Variants in HMBOX1 observed in about 807,000 individuals in gnomAD.
HMBOX1 encodes homeobox containing 1.
A neutral mutation model predicts 54.5 loss-of-function variants in HMBOX1; 14 were observed. The observed-to-expected ratio is 0.26, with a 90% CI of 0.17 to 0.40. The LOEUF is 0.40. Among genes scored for constraint, HMBOX1 ranks in the 10% least tolerant of loss-of-function variants. The pLI is 1.00. For synonymous variants in HMBOX1, 160 were observed against 181.0 expected (o/e 0.88, Z 0.93); for missense variants, 332 against 514.4 (o/e 0.65, Z 3.43).
intron 1 of HMBOX1, among the ~76,000 whole-genome samples, chr8:28,922,637 CAGTT>C (rs967427014): frequency 2.4e-4 from 37 of 152,258 alleles, no homozygotes; most frequent in African/African-American, 7.5e-4. Context: ...TAATTTCAGA[CAGTT>C]CTCAGACCTC....
rs956204010 is a variant in HMBOX1, at chr8:28,982,047, C to G, written c.586+1891C>G. 5.0e-4 allele frequency among the ~76,000 whole-genome samples: 76 copies of G among 152,170 alleles called. 2 individuals are homozygous for G. The highest frequency in any genetic ancestry group is 1.8e-3 in the African/African-American group (73 of 41,520). Reference sequence around the variant, plus strand: ...GGTCAGGAGATCAAGACCATCCTGGCTAACACGGTGAAACTCTGTCTCTAC... The same window carrying G: ...GGTCAGGAGATCAAGACCATCCTGGGTAACACGGTGAAACTCTGTCTCTAC... On this transcript the variant is annotated intron_variant, in intron 4 of 9. Coordinates refer to ENST00000287701, the MANE Select transcript of HMBOX1 (RefSeq NM_001135726.3).
At chr8:28,977,440 ATTTGT>A (rs1563509850) in intron 3 of HMBOX1, among the ~76,000 whole-genome samples, 1 of 152,172 alleles carries the variant, frequency 6.6e-6, no homozygotes, top group Non-Finnish European at 1.5e-5. Context: ...AAACCAAATG[ATTTGT>A]TTTATTTATA....
chr8:28,931,988 T>G (rs920795188), intron 1 of HMBOX1, among the ~76,000 whole-genome samples: 5 of 152,206 alleles, frequency 3.3e-5, no homozygotes, highest in African/African-American at 7.2e-5. Context: ...TAATAAATAA[T>G]TTTAGATAGT....
chr8:28,984,413 C>G (rs181093651), intron 4 of HMBOX1, among the ~76,000 whole-genome samples: 1 of 152,198 alleles, frequency 6.6e-6, no homozygotes, highest in Non-Finnish European at 1.5e-5. Flanking sequence ...TGTGCTTGTT[C>G]CAGAAACAAA....
Position 28,926,304 on chromosome 8 carries a change from T to TATATACACACACACAC in HMBOX1, c.-58+35627_-58+35628insTATACACACACACACA, listed in dbSNP as rs796953426. On this transcript the variant is annotated intron_variant, in intron 1 of 9. Transcript: ENST00000287701. ...GCAGATATATATATATATATATATA[T>TATATACACACACACAC]ACACACACACACACACACATATATT... 8.2e-4 allele frequency among the ~76,000 whole-genome samples: 116 copies of TATATACACACACACAC among 142,206 alleles called. 1 individual carries two copies. Among genetic ancestry groups the TATATACACACACACAC allele is most frequent in the African/African-American group, 3.0e-3 (114 of 37,834 alleles). The allele number at this position is 142,206 out of a possible 152,430, so 93.3% of individuals were successfully genotyped here.
chr8:28,970,021 C>G lies in HMBOX1; in HGVS notation c.24-22C>G. 6.9e-7 allele frequency: 1 copy of G among 1,447,842 alleles called. No individual in the cohort carries two copies. 89.7% of individuals were successfully genotyped at this position (1,447,842 alleles called of 1,614,324 possible). A position where few individuals can be genotyped will look rare whatever the true frequency, so the allele number is the denominator to read the frequency against. ...GTAGATACTGTCAATAAAGAGACTT[C>G]TTTTTATCTCTTTTTTTTTAGTTTG... On this transcript the variant is annotated intron_variant, in intron 2 of 9. Coordinates refer to ENST00000287701, the MANE Select transcript of HMBOX1 (RefSeq NM_001135726.3). The surrounding 1 kb of genome is among the most constrained non-coding windows in gnomAD (Gnocchi z 4.3).
chr8:28,967,147 C>T (rs1030091527), intron 2 of HMBOX1, among the ~76,000 whole-genome samples: 1 of 152,290 alleles, frequency 6.6e-6, no homozygotes, highest in South Asian at 2.1e-4. Flanking sequence ...TCTTTCCCCT[C>T]GTCTGACTAG....
rs779044917 is a variant in HMBOX1, at chr8:29,018,945, C to T, written c.851+32C>T. 5.0e-6 allele frequency: 8 copies of T among 1,608,532 alleles called. No homozygotes were observed. The South Asian group carries it at 8.8e-5, about 18-fold the overall frequency. ...GTCTCCTTTTTCTACGAATGATCTCCCAAACTTAGGGAAGACATCAACTCT... is the reference window on the plus strand; with the variant it reads ...GTCTCCTTTTTCTACGAATGATCTCTCAAACTTAGGGAAGACATCAACTCT... On this transcript the variant is annotated intron_variant, in intron 6 of 9. Transcript: ENST00000287701.
At chr8:28,933,287 C>T (rs528277824) in intron 1 of HMBOX1, among the ~76,000 whole-genome samples, 1 of 152,272 alleles carries the variant, frequency 6.6e-6, no homozygotes, top group East Asian at 1.9e-4. Context: ...TACATCAGGT[C>T]CCTATGTGAA....
intron 6 of HMBOX1, among the ~76,000 whole-genome samples, chr8:29,041,234 C>T (rs1024779500): frequency 6.6e-6 from 1 of 152,090 alleles, no homozygotes; most frequent in Non-Finnish European, 1.5e-5. Flanking sequence ...TTAATTGCCA[C>T]CAGTATTTTC....
chr8:28,944,616 C>T (rs1039976739), intron 1 of HMBOX1, among the ~76,000 whole-genome samples: 2 of 152,168 alleles, frequency 1.3e-5, no homozygotes, highest in African/African-American at 2.4e-5. Flanking sequence ...GTCTCCAGTA[C>T]TACATCCTTA....
intron 7 of HMBOX1, 64 bp from the exon 8 acceptor site, chr8:29,047,294 T>C: frequency 1.0e-6 from 1 of 961,642 alleles, no homozygotes; most frequent in Non-Finnish European, 1.7e-6. Flanking sequence ...TATTAGCCCT[T>C]AAAACTAGTT....
chr8:29,025,002 G>A (rs573904694), intron 6 of HMBOX1, among the ~76,000 whole-genome samples: 22 of 151,912 alleles, frequency 1.4e-4, no homozygotes, highest in African/African-American at 4.8e-4. Flanking sequence ...TGTCTTCCAC[G>A]AAACTGGCCT....
Position 28,971,794 on chromosome 8 carries a change from A to G in HMBOX1, c.500+1275A>G, listed in dbSNP as rs190176661. ...TGAGGAGTTTTGTAAAAACTCCTCT[A>G]GGAATAGAGATGATAAAGGTATTGT... On this transcript the variant is annotated intron_variant, in intron 3 of 9. Transcript: ENST00000287701. 3.9e-5 allele frequency among the ~76,000 whole-genome samples: 6 copies of G among 152,300 alleles called. No homozygotes were observed. In the East Asian group the frequency reaches 5.8e-4, roughly 15 times the overall value.
chr8:28,977,819 C>T (rs1438315115), intron 3 of HMBOX1, among the ~76,000 whole-genome samples: 1 of 151,744 alleles, frequency 6.6e-6, no homozygotes, highest in Non-Finnish European at 1.5e-5. Flanking sequence ...TGGCGGGCGC[C>T]TGTAGTCCCA....
chr8:28,897,018 C>G (rs1238186843), intron 1 of HMBOX1, among the ~76,000 whole-genome samples: 1 of 139,854 alleles, frequency 7.2e-6, no homozygotes, highest in African/African-American at 2.7e-5. Context: ...GAGTTTCGCT[C>G]TTGTTACCCA....
intron 3 of HMBOX1, 76 bp from the exon 4 acceptor site, chr8:28,979,995 T>C: frequency 9.1e-7 from 1 of 1,100,342 alleles, no homozygotes; most frequent in South Asian, 1.2e-5. Context: ...ACCTCTCTGC[T>C]TCACCTTTCT....
intron 5 of HMBOX1, chr8:29,009,604 C>T: frequency 8.7e-7 from 1 of 1,145,706 alleles, no homozygotes; most frequent in South Asian, 1.5e-5. Flanking sequence ...CATGCTGTAC[C>T]ATATCCAGTG....
At chr8:28,924,206 A>G (rs1282845393) in intron 1 of HMBOX1, among the ~76,000 whole-genome samples, 1 of 150,700 alleles carries the variant, frequency 6.6e-6, no homozygotes, top group Admixed American at 6.6e-5. Flanking sequence ...TCCCGGGTTC[A>G]CGCCATTCTC....
Sources: allele counts gnomAD v4.1 joint callset (sites outside exome capture counted in the v4.1 genomes callset), GRCh38; gene constraint gnomAD v4.1.1; non-coding constraint Gnocchi (gnomAD v3.1); transcripts MANE v1.5; gene names NCBI Gene and HGNC (gene_info 2026-07-23, HGNC 2026-07-21).